BCAS1: variants seen among roughly 807,000 people sequenced by gnomAD.
The protein encoded by BCAS1 is breast carcinoma-amplified sequence 1.
BCAS1 carries 46 observed loss-of-function variants against 65.4 expected under a neutral mutation model. The observed-to-expected ratio is 0.70, with a 90% CI of 0.55 to 0.90. The LOEUF is 0.90. Among genes scored for constraint, BCAS1 ranks in the 40% least tolerant of loss-of-function variants. The pLI is 0.00. For synonymous variants in BCAS1, 298 were observed against 293.5 expected (o/e 1.02, Z -0.16); for missense variants, 793 against 771.2 (o/e 1.03, Z -0.33).
In BCAS1 at chr20:53,995,938, G is replaced by C; in HGVS notation, c.836C>G (p.Ala279Gly). The change falls in exon 5 of 13, where the codon GCT becomes GGT. Residue 279 changes from alanine to glycine, a missense_variant. Ala to Gly is a moderately conservative substitution (Grantham distance 60, BLOSUM62 0). Coordinates refer to ENST00000688948, the MANE Select transcript of BCAS1 (RefSeq NM_001366298.2). ...ETAKDDSQAA[A>G]IAENNNSIMS... ...GATGGAATTATTATTCTCTGCTATA[G>C]CTGCTGCCTGGGAATCGTCCTTTGC... 1 of 1,613,708 alleles carries C rather than the reference G, an allele frequency of 6.2e-7. No individual in the cohort carries two copies. The highest frequency in any genetic ancestry group is 8.5e-7 in the Non-Finnish European group (1 of 1,179,772).
chr20:53,999,174 T>C (rs149130563), intron 4 of BCAS1, among the ~76,000 whole-genome samples: 10 of 152,368 alleles, frequency 6.6e-5, no homozygotes, highest in African/African-American at 2.4e-4. Context: ...TATATAAATA[T>C]AGACTACATC....
chr20:53,957,572 G>A, intron 10 of BCAS1, 75 bp from the exon 11 acceptor site: 3 of 1,331,042 alleles, frequency 2.3e-6, no homozygotes, highest in Non-Finnish European at 3.2e-6. Flanking sequence ...TTCTGAAATG[G>A]ATGATCTCAG....
chr20:53,984,783 G>C (rs1312323609), intron 8 of BCAS1, among the ~76,000 whole-genome samples: 2 of 152,186 alleles, frequency 1.3e-5, no homozygotes, highest in South Asian at 2.1e-4. Context: ...TCCTGTCATA[G>C]AGCACAGTGT....
Position 53,965,342 on chromosome 20 carries a change from G to C in BCAS1, c.1485+1564C>G, listed in dbSNP as rs79019436. Among the ~76,000 whole-genome samples, 34 of 152,316 alleles carry C rather than the reference G, an allele frequency of 2.2e-4. No individual in the cohort carries two copies. The East Asian group carries it at 3.5e-3, about 16-fold the overall frequency. The stretch of plus-strand genomic sequence containing the variant: ...AACAGGTTGAGCCTGTGAAATTAGA[G>C]AGTTGCTTTCTCAAAGGATTAAACT... On this transcript the variant is annotated intron_variant, in intron 10 of 12. Transcript: ENST00000688948.
intron 4 of BCAS1, among the ~76,000 whole-genome samples, chr20:54,022,170 C>A (rs1473863617): frequency 6.6e-6 from 1 of 152,124 alleles, no homozygotes; most frequent in Non-Finnish European, 1.5e-5. Flanking sequence ...CTGAGGCGGG[C>A]TTGTGGGGGC....
At chr20:54,035,187 C>G (rs1489913639) in intron 3 of BCAS1, among the ~76,000 whole-genome samples, 1 of 150,756 alleles carries the variant, frequency 6.6e-6, no homozygotes, top group Non-Finnish European at 1.5e-5. Flanking sequence ...CCGAGGAGGG[C>G]GGATCATGAG....
At chr20:53,949,796 G>A (rs2089455639) in intron 12 of BCAS1, among the ~76,000 whole-genome samples, 1 of 152,126 alleles carries the variant, frequency 6.6e-6, no homozygotes, top group African/African-American at 2.4e-5. Context: ...GTGTCTGGGA[G>A]GTGTGGCAGA....
intron 7 of BCAS1, among the ~76,000 whole-genome samples, chr20:53,986,335 G>T (rs890638694): frequency 1.1e-4 from 17 of 152,124 alleles, no homozygotes; most frequent in African/African-American, 4.1e-4. Context: ...CAGCAAGGGG[G>T]TGTTAATTTC....
intron 8 of BCAS1, among the ~76,000 whole-genome samples, chr20:53,976,418 G>A (rs2090335928): frequency 6.6e-6 from 1 of 151,374 alleles, no homozygotes; most frequent in East Asian, 2.1e-4. Flanking sequence ...TTGTTACTAA[G>A]TCCTATTTTT....
chr20:53,991,611 T>C (rs1202854660), intron 7 of BCAS1, among the ~76,000 whole-genome samples: 2 of 152,208 alleles, frequency 1.3e-5, no homozygotes, highest in East Asian at 3.8e-4. Context: ...AAGCATAATA[T>C]TTCCCAAACT....
intron 10 of BCAS1, among the ~76,000 whole-genome samples, chr20:53,964,530 T>C (rs2089975896): frequency 6.6e-6 from 1 of 152,238 alleles, no homozygotes; most frequent in African/African-American, 2.4e-5. Flanking sequence ...ATGGACAGCA[T>C]GGAATCCAAT....
At chr20:54,063,911 G>A (rs1473334927) in intron 1 of BCAS1, among the ~76,000 whole-genome samples, 1 of 152,176 alleles carries the variant, frequency 6.6e-6, no homozygotes, top group East Asian at 1.9e-4. Context: ...GTGTTAAAAT[G>A]CCCTTTCTTT....
chr20:53,965,442 C>T (rs2090001031), intron 10 of BCAS1, among the ~76,000 whole-genome samples: 1 of 152,098 alleles, frequency 6.6e-6, no homozygotes, highest in African/African-American at 2.4e-5. Context: ...AAACTAATGA[C>T]CTTTTACATG....
intron 7 of BCAS1, among the ~76,000 whole-genome samples, chr20:53,987,079 G>A (rs537708405): frequency 3.0e-4 from 46 of 152,312 alleles, no homozygotes; most frequent in Non-Finnish European, 5.0e-4. Flanking sequence ...CCTTTCTAGA[G>A]CTCTTCCCAG....
At chr20:53,953,767 G>C (rs2089608338) in intron 11 of BCAS1, 72 bp from the exon 12 acceptor site, 4 of 1,498,074 alleles carry the variant, frequency 2.7e-6, no homozygotes, top group Non-Finnish European at 3.6e-6. Flanking sequence ...GAATAAATAT[G>C]TTAAAACAGA....
chr20:54,037,701 G>A (rs1235340167), intron 3 of BCAS1, among the ~76,000 whole-genome samples: 1 of 151,316 alleles, frequency 6.6e-6, no homozygotes, highest in Non-Finnish European at 1.5e-5. Flanking sequence ...GCTCTGAAAA[G>A]TCAAGTCAGT....
chr20:53,961,554 A>G (rs1331409068), intron 10 of BCAS1, among the ~76,000 whole-genome samples: 1 of 152,248 alleles, frequency 6.6e-6, no homozygotes, highest in Non-Finnish European at 1.5e-5. Flanking sequence ...TAAGTAAGCC[A>G]TATATTAATT....
At chr20:54,027,809 AAAAACCC>A (rs2091707726) in intron 4 of BCAS1, among the ~76,000 whole-genome samples, 1 of 151,834 alleles carries the variant, frequency 6.6e-6, no homozygotes, top group Non-Finnish European at 1.5e-5. Flanking sequence ...AAAACAAAAA[AAAAACCC>A]AAAACCCCTA....
At chr20:54,058,286 C>G (rs1276707496) in intron 2 of BCAS1, 132 bp from the exon 3 acceptor site, 1 of 842,314 alleles carries the variant, frequency 1.2e-6, no homozygotes, top group African/African-American at 1.7e-5. Context: ...TTTCTAGAAA[C>G]TCCCCAGTTT....
Sources: allele counts gnomAD v4.1 joint callset (sites outside exome capture counted in the v4.1 genomes callset), GRCh38; gene constraint gnomAD v4.1.1; transcripts MANE v1.5; gene names NCBI Gene and HGNC (gene_info 2026-07-23, HGNC 2026-07-21).